Variants in ATP13A5 observed in about 807,000 individuals in gnomAD.
ATP13A5 encodes ATPase 13A5, also known as probable cation-transporting ATPase 13A5.
ATP13A5 carries 149 observed loss-of-function variants against 150.2 expected under a neutral mutation model. The observed-to-expected ratio is 0.99, with a 90% CI of 0.87 to 1.14. The LOEUF is 1.14. Ranked by LOEUF, ATP13A5 falls within the 50% of genes most tolerant of loss-of-function variation. ATP13A5 has a pLI of 0.00. For missense variants in ATP13A5, 1,383 were observed against 1,449.3 expected, an observed-to-expected ratio of 0.95 and a Z score of 0.74; for synonymous variants, 497 against 522.2, an observed-to-expected ratio of 0.95 and a Z score of 0.66.
Position 193,279,381 on chromosome 3 carries a change from T to C in ATP13A5, c.3300A>G (p.Ile1100Met), listed in dbSNP as rs1717376722. The C allele has an allele frequency of 6.2e-7, 1 of 1,613,528 alleles. No homozygotes were observed. The highest frequency in any genetic ancestry group is 8.5e-7 in the Non-Finnish European group (1 of 1,179,608). The change falls in exon 28 of 30, where the codon ATA becomes ATG. Residue 1100 changes from isoleucine (I) to methionine (M), a missense_variant. This residue lies in a region of ATP13A5 where 568 missense variants were observed against 621.5 expected (regional missense o/e 0.91). Transcript: ENST00000342358. ...TGCCACTTACCTCCATTCCACGGTA[T>C]ATAACTTGAAAGTCAGAAAACAGAA... ...IFILFSDFQV[I>M]YRGMELIPTI...
At chr3:193,303,595 A>T (rs985580640) in intron 23 of ATP13A5, among the ~76,000 whole-genome samples, 2 of 151,998 alleles carry the variant, frequency 1.3e-5, no homozygotes, top group African/African-American at 2.4e-5. Context: ...CCTTTAAAAA[A>T]ATTCAGTCTT....
rs75980281 is a variant in ATP13A5, at chr3:193,308,776, T to C, written c.2526-1407A>G. Among the ~76,000 whole-genome samples the C allele has an allele frequency of 8.4e-3, 1,278 of 152,304 alleles. 40 individuals carry two copies. Among genetic ancestry groups the C allele is most frequent in the Admixed American group, 0.049 (746 of 15,294 alleles). On this transcript the variant is annotated intron_variant, in intron 21 of 29. Transcript: ENST00000342358. Reference sequence around the variant, plus strand: ...CTGAGGCAGTGTGTGTCTTCCTGAATTCATTTTTTAAGGGGAATATGGCTT... The same window carrying C: ...CTGAGGCAGTGTGTGTCTTCCTGAACTCATTTTTTAAGGGGAATATGGCTT...
chr3:193,333,988 G>A, intron 10 of ATP13A5, 81 bp from the exon 11 acceptor site: 5 of 1,323,244 alleles, frequency 3.8e-6, no homozygotes, highest in South Asian at 1.4e-5. Context: ...TGTCTTTGAG[G>A]AAAAGAGTAG....
At chr3:193,319,570 C>T (rs1035965857) in intron 16 of ATP13A5, among the ~76,000 whole-genome samples, 11 of 152,322 alleles carry the variant, frequency 7.2e-5, no homozygotes, top group Admixed American at 6.5e-4. Context: ...CACCTCTATC[C>T]TGGCCTTTCC....
At chr3:193,318,931 C>A in intron 17 of ATP13A5, 60 bp downstream of exon 17, 1 of 1,199,344 alleles carries the variant, frequency 8.3e-7, no homozygotes, top group Non-Finnish European at 1.2e-6. Flanking sequence ...CTGTTCATCT[C>A]CAGGACTCGC....
chr3:193,335,911 T>C (rs1711839936), intron 9 of ATP13A5, among the ~76,000 whole-genome samples: 1 of 152,102 alleles, frequency 6.6e-6, no homozygotes, highest in African/African-American at 2.4e-5. Context: ...AGACAGAATA[T>C]TTAAGGTACA....
chr3:193,296,738 T>C (rs918881937), intron 25 of ATP13A5, among the ~76,000 whole-genome samples: 24 of 152,122 alleles, frequency 1.6e-4, no homozygotes, highest in African/African-American at 5.6e-4. Context: ...TTAATGGTAG[T>C]TTAATGGGAA....
intron 1 of ATP13A5, among the ~76,000 whole-genome samples, chr3:193,368,438 G>A (rs1432510639): frequency 7.5e-6 from 1 of 133,534 alleles, no homozygotes; most frequent in South Asian, 2.4e-4. Context: ...TGACAACTTG[G>A]TTCTAAAATT....
intron 26 of ATP13A5, among the ~76,000 whole-genome samples, chr3:193,287,765 A>C (rs899726242): frequency 3.3e-5 from 5 of 152,168 alleles, no homozygotes; most frequent in African/African-American, 1.2e-4. Context: ...CTTATTTTTT[A>C]AGAAATACAC....
At position 193,275,182 on chromosome 3, in the gene ATP13A5, T is replaced by C. The variant is rs770622583; in HGVS notation, c.3517A>G (p.Ile1173Val). The change falls in exon 30 of 30, where the codon ATA becomes GTA. Residue 1173 changes from isoleucine (I) to valine (V), a missense_variant. By Grantham distance (29) the Ile-to-Val change is conservative (BLOSUM62 3). Around this residue, in one of 3 missense-constraint regions of ATP13A5, gnomAD observed 568 missense variants for 621.5 expected, o/e 0.91. Transcript: ENST00000342358. ...KLAEDSTWPP[I>V]NRTDYSGDGK... ...TCACCTGAATAATCTGTCCTGTTTATGGGAGGCCAGGTTGAGTCTTCTGCT... is the reference window on the plus strand; with the variant it reads ...TCACCTGAATAATCTGTCCTGTTTACGGGAGGCCAGGTTGAGTCTTCTGCT... 23 of 1,614,088 alleles carry C rather than the reference T, an allele frequency of 1.4e-5. No homozygotes were observed. In the African/African-American group the frequency reaches 2.7e-4, roughly 19 times the overall value.
chr3:193,276,851 T>C (rs1378659285), intron 28 of ATP13A5, 21 bp from the exon 29 acceptor site: 12 of 1,565,528 alleles, frequency 7.7e-6, no homozygotes, highest in Non-Finnish European at 1.1e-5. Flanking sequence ...ACAAATACCA[T>C]TATTATATTT....
intron 12 of ATP13A5, among the ~76,000 whole-genome samples, chr3:193,330,351 A>G (rs1039311315): frequency 1.3e-5 from 2 of 152,240 alleles, no homozygotes; most frequent in African/African-American, 4.8e-5. Flanking sequence ...CTCTACCAGC[A>G]TTGTACACAG....
intron 10 of ATP13A5, 94 bp downstream of exon 10, chr3:193,334,835 G>A (rs1016983516): frequency 8.8e-7 from 1 of 1,138,560 alleles, no homozygotes; most frequent in African/African-American, 1.5e-5. Flanking sequence ...CTACCAGAAT[G>A]TGGCAGACTC....
At position 193,334,979 on chromosome 3, in the gene ATP13A5, T is replaced by C. The variant is rs1711795126; in HGVS notation, c.1064A>G (p.Gln355Arg). 6.2e-7 allele frequency: 1 copy of C among 1,613,964 alleles called. No homozygotes were observed. The highest frequency in any genetic ancestry group is 1.7e-4 in the Middle Eastern group (1 of 6,058). ...AGGCCCCTGCCCAGAGGGCTTGACC[T>C]GGATAACTTCTGTTCCACAGAAAAG... ...HVLFCGTEVIQVKPSGQGPVR... is the reference protein window; with the variant it reads ...HVLFCGTEVIRVKPSGQGPVR... Residue 355 changes from glutamine to arginine, a missense_variant, in exon 10 of 30, where the codon CAG becomes CGG. Transcript: ENST00000342358.
At chr3:193,333,391 C>T (rs1480195308) in intron 11 of ATP13A5, among the ~76,000 whole-genome samples, 1 of 152,134 alleles carries the variant, frequency 6.6e-6, no homozygotes, top group Non-Finnish European at 1.5e-5. Context: ...TAGTGACAAC[C>T]CTTCCCTCCC....
chr3:193,304,245 T>G (rs73074719), intron 23 of ATP13A5, among the ~76,000 whole-genome samples: 1 of 152,196 alleles, frequency 6.6e-6, no homozygotes, highest in Non-Finnish European at 1.5e-5. Flanking sequence ...AGGAGTAGAC[T>G]GTTCTTAGAA....
At chr3:193,349,050 C>T (rs1354409882) in intron 7 of ATP13A5, among the ~76,000 whole-genome samples, 1 of 152,168 alleles carries the variant, frequency 6.6e-6, no homozygotes, top group African/African-American at 2.4e-5. Flanking sequence ...CAAACACATA[C>T]ATTGTGAATG....
intron 1 of ATP13A5, among the ~76,000 whole-genome samples, chr3:193,365,688 T>A (rs1372026740): frequency 6.6e-6 from 1 of 152,084 alleles, no homozygotes; most frequent in Non-Finnish European, 1.5e-5. Flanking sequence ...AGCAGGACAA[T>A]TTGGAATTTT....
intron 1 of ATP13A5, among the ~76,000 whole-genome samples, chr3:193,372,759 T>A (rs1213924387): frequency 1.3e-5 from 2 of 152,242 alleles, no homozygotes; most frequent in Admixed American, 1.3e-4. Context: ...CACCTTGTTT[T>A]TTGAAAATAA....
Sources: allele counts gnomAD v4.1 joint callset (sites outside exome capture counted in the v4.1 genomes callset), GRCh38; gene constraint gnomAD v4.1.1; regional missense constraint gnomAD v4.1.1; transcripts MANE v1.5; gene names NCBI Gene and HGNC (gene_info 2026-07-23, HGNC 2026-07-21).